The following DGKI variants were observed in gnomAD, a reference collection of about 807,000 sequenced individuals.
DGKI encodes the protein diacylglycerol kinase iota.
A neutral mutation model predicts 147.5 loss-of-function variants in DGKI; 55 were observed. That is an observed-to-expected ratio of 0.37 (90% CI 0.30 to 0.47). The LOEUF is 0.47. DGKI is among the 20% of genes least tolerant of loss of function. The pLI is 1.00. For synonymous variants in DGKI, 469 were observed against 477.1 expected (o/e 0.98, Z 0.22); for missense variants, 1,007 against 1,323.8 (o/e 0.76, Z 3.71).
At chr7:137,709,984 T>A (rs911824594) in intron 1 of DGKI, among the ~76,000 whole-genome samples, 1 of 151,706 alleles carries the variant, frequency 6.6e-6, no homozygotes, top group African/African-American at 2.4e-5. Flanking sequence ...TAAATTAAAA[T>A]GTAGATCTAA....
intron 22 of DGKI, among the ~76,000 whole-genome samples, chr7:137,486,944 C>A (rs1428692984): frequency 6.6e-6 from 1 of 152,064 alleles, no homozygotes; most frequent in Non-Finnish European, 1.5e-5. Context: ...GTCATATATG[C>A]TTTTTGCAAT....
intron 1 of DGKI, among the ~76,000 whole-genome samples, chr7:137,749,951 G>A (rs956371558): frequency 1.3e-5 from 2 of 152,166 alleles, no homozygotes; most frequent in African/African-American, 2.4e-5. Flanking sequence ...GCTCAGTGGG[G>A]TTGGGTAGGA....
At chr7:137,423,459 T>G (rs558779676) in intron 28 of DGKI, among the ~76,000 whole-genome samples, 3 of 152,340 alleles carry the variant, frequency 2.0e-5, no homozygotes, top group Admixed American at 2.0e-4. Flanking sequence ...AGGTCTGATG[T>G]GGCCTGAGAG....
chr7:137,391,625 C>A (rs1182496337), intron 32 of DGKI, among the ~76,000 whole-genome samples: 1 of 152,066 alleles, frequency 6.6e-6, no homozygotes, highest in Non-Finnish European at 1.5e-5. Flanking sequence ...AACAGAAGTT[C>A]ACAGAGGTTA....
At chr7:137,838,889 C>T (rs930111805) in intron 1 of DGKI, among the ~76,000 whole-genome samples, 1 of 152,254 alleles carries the variant, frequency 6.6e-6, no homozygotes, top group Non-Finnish European at 1.5e-5. Context: ...AAGCTTCTTT[C>T]TGTGATTGCC....
chr7:137,683,713 A>C (rs1823319055), intron 2 of DGKI, among the ~76,000 whole-genome samples: 1 of 152,238 alleles, frequency 6.6e-6, no homozygotes, highest in Non-Finnish European at 1.5e-5. Context: ...AGACAGAAAA[A>C]TAACTCTCCT....
intron 23 of DGKI, among the ~76,000 whole-genome samples, chr7:137,471,713 C>T (rs1004617475): frequency 1.3e-5 from 2 of 151,668 alleles, no homozygotes; most frequent in Admixed American, 6.6e-5. Flanking sequence ...TGGAGTTTTA[C>T]TCTAAATGAA....
At chr7:137,740,878 T>C (rs1585430556) in intron 1 of DGKI, among the ~76,000 whole-genome samples, 1 of 152,166 alleles carries the variant, frequency 6.6e-6, no homozygotes, top group South Asian at 2.1e-4. Context: ...AATTATAAGA[T>C]TGGAAGTAGA....
At chr7:137,734,780 A>C (rs1353408177) in intron 1 of DGKI, among the ~76,000 whole-genome samples, 1 of 152,124 alleles carries the variant, frequency 6.6e-6, no homozygotes, top group Non-Finnish European at 1.5e-5. Flanking sequence ...CAATGCAGCA[A>C]CAGAGAATGA....
intron 28 of DGKI, among the ~76,000 whole-genome samples, chr7:137,430,997 C>G (rs1463571813): frequency 3.9e-5 from 6 of 152,126 alleles, no homozygotes; most frequent in African/African-American, 9.7e-5. Context: ...CAGACTATAT[C>G]CTCACACAAG....
intron 1 of DGKI, among the ~76,000 whole-genome samples, chr7:137,807,506 G>A (rs1797417752): frequency 6.6e-6 from 1 of 152,170 alleles, no homozygotes; most frequent in African/African-American, 2.4e-5. Flanking sequence ...TCACAGGAGA[G>A]CGCTAAATAG....
intron 26 of DGKI, among the ~76,000 whole-genome samples, chr7:137,464,360 T>C (rs1814572833): frequency 1.4e-5 from 2 of 141,344 alleles, no homozygotes; most frequent in Non-Finnish European, 3.1e-5. Context: ...AGATCAAGAG[T>C]CAGAGCCCAG....
intron 1 of DGKI, among the ~76,000 whole-genome samples, chr7:137,801,963 T>C (rs10954587): frequency 0.33 from 50,533 of 151,916 alleles, 8,628 homozygotes; most frequent in Middle Eastern, 0.46. Context: ...AGCAGCACAA[T>C]TGGCAATTGC....
In DGKI at chr7:137,808,249, T is replaced by C. The variant is rs545567925; in HGVS notation, c.401+38213A>G. ...ATAAACTATCTGGATGAAAAATCTA[T>C]GCATCCTGGAAATTAGTATATAAAT... On this transcript the variant is annotated intron_variant, in intron 1 of 32. Coordinates refer to ENST00000614521, the MANE Select transcript of DGKI (RefSeq NM_001321708.2). Among the ~76,000 whole-genome samples, 6 of 152,348 alleles carry C rather than the reference T, an allele frequency of 3.9e-5. No individual in the cohort carries two copies. In the East Asian group the frequency reaches 1.2e-3, roughly 29 times the overall value.
chr7:137,763,108 C>G (rs10156124), intron 1 of DGKI, among the ~76,000 whole-genome samples: 8,367 of 152,230 alleles, frequency 0.055, 248 homozygotes, highest in East Asian at 0.12. Flanking sequence ...AGAATTCTCT[C>G]TGGTTAGGTA....
intron 21 of DGKI, among the ~76,000 whole-genome samples, chr7:137,512,593 T>C (rs1042045424): frequency 6.6e-6 from 1 of 152,150 alleles, no homozygotes; most frequent in Non-Finnish European, 1.5e-5. Flanking sequence ...TTACATAAAA[T>C]AAACCAATGA....
chr7:137,387,904 C>T lies in DGKI; in HGVS notation c.*3316G>A, dbSNP rs1222975475. Reference sequence around the variant, plus strand: ...AGTAAATAAATAAATTTCAGAAATTCGTTAGGCAAAGGGACTCTCACTAGG... The same window carrying T: ...AGTAAATAAATAAATTTCAGAAATTTGTTAGGCAAAGGGACTCTCACTAGG... On this transcript the variant is annotated 3_prime_UTR_variant, in exon 33 of 33. Transcript: ENST00000614521. The T allele has an allele frequency of 2.0e-5, 3 of 151,982 alleles. No homozygotes were observed. Among genetic ancestry groups the T allele is most frequent in the Admixed American group, 6.6e-5 (1 of 15,252 alleles). 9.4% of individuals were successfully genotyped at this position (151,982 alleles called of 1,614,324 possible).
At chr7:137,453,880 A>G (rs1814075952) in intron 27 of DGKI, among the ~76,000 whole-genome samples, 1 of 151,176 alleles carries the variant, frequency 6.6e-6, no homozygotes, top group South Asian at 2.1e-4. Flanking sequence ...CTACCCAAAT[A>G]TATGCCTTGA....
chr7:137,517,283 G>GAA (rs1454817088), intron 21 of DGKI, among the ~76,000 whole-genome samples: 8 of 53,506 alleles, frequency 1.5e-4, no homozygotes, highest in African/African-American at 3.4e-4. Flanking sequence ...AAAAGAAAAA[G>GAA]AAAGAAAGAA....
Sources: allele counts gnomAD v4.1 joint callset (sites outside exome capture counted in the v4.1 genomes callset), GRCh38; gene constraint gnomAD v4.1.1; transcripts MANE v1.5; gene names NCBI Gene and HGNC (gene_info 2026-07-23, HGNC 2026-07-21).